Variants in RBL2 observed in about 807,000 individuals in gnomAD.
RBL2 encodes the protein retinoblastoma-like protein 2.
RBL2 carries 56 observed loss-of-function variants against 126.0 expected under a neutral mutation model. The ratio of observed to expected loss-of-function variants is 0.44; its 90% CI spans 0.36 to 0.56. The LOEUF is 0.56. RBL2 is among the 20% of genes least tolerant of loss of function. RBL2 has a pLI of 0.00. For synonymous variants in RBL2, 454 were observed against 478.5 expected (o/e 0.95, Z 0.67); for missense variants, 1,229 against 1,398.2 (o/e 0.88, Z 1.93).
intron 21 of RBL2, chr16:53,489,213 A>T (rs1961297541): frequency 6.6e-6 from 1 of 152,224 alleles, no homozygotes; most frequent in South Asian, 2.1e-4. Context: ...GTTTTAAAAT[A>T]ATCTGGGGAA....
At chr16:53,474,539 C>T (rs1385963857) in intron 17 of RBL2, among the ~76,000 whole-genome samples, 1 of 152,118 alleles carries the variant, frequency 6.6e-6, no homozygotes, top group Non-Finnish European at 1.5e-5. Flanking sequence ...TGGTCTCAAA[C>T]TCCCAACCTC....
At chr16:53,471,014 C>T (rs1254639180) in intron 17 of RBL2, 92 bp downstream of exon 17, 1 of 1,303,164 alleles carries the variant, frequency 7.7e-7, no homozygotes, top group African/African-American at 1.5e-5. Flanking sequence ...TTTACATGCT[C>T]TATAATTCAC....
At position 53,483,922 on chromosome 16, in the gene RBL2, A is replaced by G. The variant is rs533818945; in HGVS notation, c.3249+2087A>G. ...TAATAATGGAGACACTTTTCCTATC[A>G]TAGTAAAAAAAAAAAAAAAAAGGTG... On this transcript the variant is annotated intron_variant, in intron 21 of 21. Transcript: ENST00000262133. 1.2e-4 allele frequency among the ~76,000 whole-genome samples: 11 copies of G among 92,240 alleles called. No homozygotes were observed. In the East Asian group the frequency reaches 1.8e-3, roughly 15 times the overall value. 60.5% of individuals were successfully genotyped at this position (92,240 alleles called of 152,430 possible).
rs140277083 is a variant in RBL2, at chr16:53,480,721, C to A, written c.3036C>A (p.Ile1012=). Residue 1012 remains isoleucine (I), a synonymous_variant, in exon 20 of 22, where the codon ATC becomes ATA. Coordinates refer to ENST00000262133, the MANE Select transcript of RBL2 (RefSeq NM_005611.4). ...ACCTCATTCAGTTCTACAACAACAT[C>A]TACATCAAACAGATTAAGACATTTG... The part of the protein sequence containing the change: ...RGDLIQFYNN[I]YIKQIKTFAM... The A allele has an allele frequency of 1.4e-4, 232 of 1,613,456 alleles. No individual in the cohort carries two copies. In the African/African-American group the frequency reaches 2.8e-3, roughly 20 times the overall value.
intron 12 of RBL2, 90 bp downstream of exon 12, chr16:53,464,453 A>G: frequency 8.9e-7 from 1 of 1,119,914 alleles, no homozygotes; most frequent in Non-Finnish European, 1.3e-6. Context: ...ACATCTAAGA[A>G]CATTTATTCT....
rs1253320192 is a variant in RBL2 at position 53,451,613 on chromosome 16, G to A, written c.638-90G>A. On this transcript the variant is annotated intron_variant, in intron 4 of 21. Coordinates refer to ENST00000262133, the MANE Select transcript of RBL2 (RefSeq NM_005611.4). ...TGAGTCAATTTTGTACAATTGTTTT[G>A]TAATGTCATAATAAGTAAAGGAAGA... The A allele has an allele frequency of 8.5e-6, 12 of 1,404,390 alleles. No individual in the cohort carries two copies. The East Asian group carries it at 2.5e-4, about 30-fold the overall frequency. 87.0% of individuals were successfully genotyped at this position (1,404,390 alleles called of 1,614,324 possible).
rs943534404 is a variant in RBL2, at chr16:53,434,485, C to T, written c.-72C>T. On this transcript the variant is annotated 5_prime_UTR_variant, in exon 1 of 22. Transcript: ENST00000262133. ...GCGGTGCGGGCGGCGGACGGGCGGG[C>T]GCTTCGCCGTTTGAATGGCTGCGGG... is the stretch of plus-strand genomic sequence containing the variant. 40 of 1,305,940 alleles carry T rather than the reference C, an allele frequency of 3.1e-5. No individual in the cohort carries two copies. Among genetic ancestry groups the T allele is most frequent in the Admixed American group, 4.1e-5 (1 of 24,130 alleles). 80.9% of individuals were successfully genotyped at this position (1,305,940 alleles called of 1,614,324 possible).
At chr16:53,457,522 G>A (rs945695567) in intron 8 of RBL2, among the ~76,000 whole-genome samples, 3 of 151,872 alleles carry the variant, frequency 2.0e-5, no homozygotes, top group African/African-American at 7.3e-5. Context: ...GCTTCCTGAA[G>A]TGCTGGGATT....
chr16:53,457,972 C>T (rs1363860577), intron 8 of RBL2, among the ~76,000 whole-genome samples: 1 of 152,152 alleles, frequency 6.6e-6, no homozygotes, highest in South Asian at 2.1e-4. Context: ...ATGTAGGCAT[C>T]GGTTCATGCA....
At chr16:53,457,277 T>TTTTTG (rs1213898728) in intron 8 of RBL2, among the ~76,000 whole-genome samples, 2 of 139,884 alleles carry the variant, frequency 1.4e-5, no homozygotes, top group Non-Finnish European at 3.1e-5. Flanking sequence ...TTTTTTTTTT[T>TTTTTG]GAGATGGAGT....
At chr16:53,466,332 T>A (rs1267943219) in intron 13 of RBL2, among the ~76,000 whole-genome samples, 1 of 152,142 alleles carries the variant, frequency 6.6e-6, no homozygotes, top group African/African-American at 2.4e-5. Flanking sequence ...GAAGACAATT[T>A]TTCCATGGAC....
chr16:53,435,674 C>T (rs1367975861), intron 1 of RBL2: 4 of 1,288,814 alleles, frequency 3.1e-6, no homozygotes, highest in Non-Finnish European at 4.0e-6. Context: ...CATTTGATTT[C>T]TCAAGTCGTT....
At chr16:53,445,408 T>C (rs957178859) in intron 3 of RBL2, among the ~76,000 whole-genome samples, 2 of 152,172 alleles carry the variant, frequency 1.3e-5, no homozygotes, top group Non-Finnish European at 2.9e-5. Flanking sequence ...TAGCTCTTTC[T>C]GTTAACTATA....
chr16:53,457,258 C>CCTTTTTTTTTTTTT lies in RBL2; in HGVS notation c.1180-2193_1180-2192insCTTTTTTTTTTTTT, dbSNP rs1555566426. On this transcript the variant is annotated intron_variant, in intron 8 of 21. Coordinates refer to ENST00000262133, the MANE Select transcript of RBL2 (RefSeq NM_005611.4). ...GGGTCATCAGGGTGGGTACAGATAG[C>CCTTTTTTTTTTTTT]TTTTTTTTTTTTTTTTTTTGAGATG... 2.8e-3 allele frequency among the ~76,000 whole-genome samples: 250 copies of CCTTTTTTTTTTTTT among 89,882 alleles called. 17 individuals carry two copies. Among genetic ancestry groups the CCTTTTTTTTTTTTT allele is most frequent in the Non-Finnish European group, 3.1e-3 (154 of 49,396 alleles). 59.0% of individuals were successfully genotyped at this position (89,882 alleles called of 152,430 possible).
chr16:53,490,196 T>C lies in RBL2; in HGVS notation c.3316T>C (p.Leu1106=). Residue 1106 remains leucine, a synonymous_variant, in exon 22 of 22, where the codon TTG becomes CTG. Coordinates refer to ENST00000262133, the MANE Select transcript of RBL2 (RefSeq NM_005611.4). ...TCCTACTAAAAAGAGAGGAATTCTT[T>C]TGGAAGATGGAAGTGAATCACCTGC... ...ETPTKKRGIL[L]EDGSESPAKR... The C allele has an allele frequency of 2.5e-6, 4 of 1,612,580 alleles. No homozygotes were observed. Among genetic ancestry groups the C allele is most frequent in the Non-Finnish European group, 1.7e-6 (2 of 1,178,914 alleles).
intron 21 of RBL2, among the ~76,000 whole-genome samples, chr16:53,484,187 CTTAAA>C (rs1272495195): frequency 6.6e-6 from 1 of 152,076 alleles, no homozygotes; most frequent in African/African-American, 2.4e-5. Flanking sequence ...ATTCTGACGG[CTTAAA>C]TTAGACTCTC....
chr16:53,449,226 A>G (rs16952251), intron 4 of RBL2: 43,240 of 151,966 alleles, frequency 0.28, 6,473 homozygotes, highest in Middle Eastern at 0.37. Context: ...CATTTCTAGG[A>G]TTTTTATCTG....
chr16:53,438,035 T>A (rs1476315659), intron 1 of RBL2, among the ~76,000 whole-genome samples: 1 of 151,694 alleles, frequency 6.6e-6, no homozygotes, highest in African/African-American at 2.4e-5. Flanking sequence ...TCAAAAAAAA[T>A]AAAAAATAAA....
chr16:53,480,472 T>C, intron 19 of RBL2, 95 bp from the exon 20 acceptor site: 9 of 993,588 alleles, frequency 9.1e-6, no homozygotes, highest in Non-Finnish European at 1.4e-5. Flanking sequence ...TAGCAAGTAG[T>C]GCAGGTAGCT....
Sources: gnomAD v4.1 joint callset for allele counts (sites outside exome capture counted in the v4.1 genomes callset) on GRCh38, gnomAD v4.1.1 for gene constraint, MANE v1.5 for transcripts, NCBI Gene and HGNC (gene_info 2026-07-23, HGNC 2026-07-21) for gene names.